Variants in WNT7B observed in about 807,000 individuals in gnomAD.
WNT7B encodes Wnt family member 7B, also known as protein Wnt-7b.
A neutral mutation model predicts 38.2 loss-of-function variants in WNT7B; 19 were observed. That is an observed-to-expected ratio of 0.50 (90% confidence interval 0.35 to 0.73). The LOEUF is 0.73. WNT7B is among the 30% of genes least tolerant of loss of function. The probability of loss-of-function intolerance (pLI) is 0.01; values close to 1 mark genes in which losing one functional copy is unlikely to be tolerated. For synonymous variants in WNT7B, 243 were observed against 209.3 expected (o/e 1.16, Z -1.39); for missense variants, 423 against 507.9 (o/e 0.83, Z 1.61).
At chr22:45,970,592 CG>C (rs1237722963) in intron 1 of WNT7B, among the ~76,000 whole-genome samples, 1 of 152,152 alleles carries the variant, frequency 6.6e-6, no homozygotes, top group Non-Finnish European at 1.5e-5. Context: ...TCTCCCACCC[CG>C]GACACCTCTC....
Position 45,926,266 on chromosome 22 carries a change from C to A in WNT7B, c.571-2931G>T, listed in dbSNP as rs896951352. Reference sequence around the variant, plus strand: ...TGGTGGTGCCAGCACTGAGACCGGCCCCCTGCCCCAAGAGACCACCTGGCA... The same window carrying A: ...TGGTGGTGCCAGCACTGAGACCGGCACCCTGCCCCAAGAGACCACCTGGCA... On this transcript the variant is annotated intron_variant, in intron 3 of 3. Coordinates refer to ENST00000339464, the MANE Select transcript of WNT7B (RefSeq NM_058238.3). 3.0e-6 allele frequency: 3 copies of A among 985,254 alleles called. No individual in the cohort carries two copies. In the African/African-American group the frequency reaches 5.2e-5, roughly 17 times the overall value. 61.0% of individuals were successfully genotyped at this position (985,254 alleles called of 1,614,324 possible).
chr22:45,935,962 C>T, intron 2 of WNT7B: 1 of 985,322 alleles, frequency 1.0e-6, no homozygotes. Flanking sequence ...GCCTAGGGGC[C>T]TCTCTGAAGA....
At chr22:45,949,727 C>T (rs1931885142) in intron 2 of WNT7B, among the ~76,000 whole-genome samples, 193 bp downstream of exon 2, 2 of 152,266 alleles carry the variant, frequency 1.3e-5, no homozygotes, top group African/African-American at 2.4e-5. Context: ...CCATTGAGGC[C>T]TCCCCTGCCC....
intron 1 of WNT7B, among the ~76,000 whole-genome samples, chr22:45,967,748 A>G (rs1281009312): frequency 1.3e-5 from 2 of 152,124 alleles, no homozygotes; most frequent in Non-Finnish European, 2.9e-5. Context: ...TTGCTTGGCC[A>G]TTGTCCACTG....
chr22:45,951,545 C>T lies in WNT7B; in HGVS notation c.72-1399G>A, dbSNP rs575256723. Among the ~76,000 whole-genome samples the T allele has an allele frequency of 7.2e-5, 11 of 152,308 alleles. No individual in the cohort carries two copies. The highest frequency in any genetic ancestry group is 1.4e-4 in the African/African-American group (6 of 41,558). ...GAAACTGTACCCATCAGTCACTCCC[C>T]GTTCTCCCCTCCCCGACCCAGCAAC... is the stretch of plus-strand genomic sequence containing the variant. On this transcript the variant is annotated intron_variant, in intron 1 of 3. Transcript: ENST00000339464. This position sits in a 1 kb window ranked among gnomAD's most constrained non-coding sequence, Gnocchi z 4.8.
chr22:45,925,599 A>ACCCCAGCTCCCTGTTCATCT, intron 3 of WNT7B: 5 of 984,554 alleles, frequency 5.1e-6, no homozygotes, highest in Non-Finnish European at 6.0e-6. Context: ...CCTGTCCATC[A>ACCCCAGCTCCCTGTTCATCT]CCCCAGCTCC....
At chr22:45,972,117 C>T (rs780462067) in intron 1 of WNT7B, 24 of 246,052 alleles carry the variant, frequency 9.8e-5, no homozygotes, top group Non-Finnish European at 1.2e-4. Flanking sequence ...CCGGGGGGAG[C>T]CCACCCGCCC....
At chr22:45,974,558 G>A (rs1302730592) in intron 1 of WNT7B, among the ~76,000 whole-genome samples, 2 of 152,176 alleles carry the variant, frequency 1.3e-5, no homozygotes, top group Non-Finnish European at 2.9e-5. Context: ...GGTGTTCGGA[G>A]GTCACATTTT....
chr22:45,930,216 G>A (rs1931293426), intron 3 of WNT7B, among the ~76,000 whole-genome samples: 1 of 152,236 alleles, frequency 6.6e-6, no homozygotes, highest in African/African-American at 2.4e-5. Flanking sequence ...ATTCCTCTCT[G>A]CCCCGTGCCC....
rs1461677550 is a variant in WNT7B at position 45,923,058 on chromosome 22, G to A, written c.848C>T (p.Ala283Val). Reference protein sequence around the residue: ...KSPNYCEEDAATGSVGTQGRL... With the variant: ...KSPNYCEEDAVTGSVGTQGRL... The stretch of plus-strand genomic sequence containing the variant: ...GCCCTGCGTGCCCACGCTGCCCGTG[G>A]CCGCGTCCTCCTCGCAGTAGTTGGG... Residue 283 changes from alanine (A) to valine (V), a missense_variant, in exon 4 of 4, where the codon GCC becomes GTC. By Grantham distance (64) the Ala-to-Val change is moderately conservative. Transcript: ENST00000339464. 1.9e-6 allele frequency: 3 copies of A among 1,613,024 alleles called. No homozygotes were observed. In the Admixed American group the frequency reaches 5.0e-5, roughly 27 times the overall value.
intron 2 of WNT7B, among the ~76,000 whole-genome samples, chr22:45,939,655 A>ACACACACACG (rs1569115532): frequency 6.6e-6 from 1 of 151,808 alleles, no homozygotes; most frequent in East Asian, 1.9e-4. Context: ...ACACTCACAC[A>ACACACACACG]CACACACACA....
intron 2 of WNT7B, chr22:45,936,018 CCAG>C (rs1244448266): frequency 6.1e-6 from 6 of 985,238 alleles, no homozygotes; most frequent in Admixed American, 6.2e-5. Context: ...GATTCTAGAG[CCAG>C]CAGCAGCATC....
intron 1 of WNT7B, among the ~76,000 whole-genome samples, chr22:45,950,707 G>A (rs898972591): frequency 6.6e-6 from 1 of 152,188 alleles, no homozygotes; most frequent in Admixed American, 6.5e-5. Context: ...CTCCCCGTCT[G>A]AGCCTCAGTT....
At chr22:45,968,847 C>T (rs1470851373) in intron 1 of WNT7B, among the ~76,000 whole-genome samples, 2 of 152,208 alleles carry the variant, frequency 1.3e-5, no homozygotes, top group African/African-American at 4.8e-5. Flanking sequence ...CTACACGTGG[C>T]CTGATCTGAG....
chr22:45,921,593 C>G lies in WNT7B; in HGVS notation c.*1263G>C, dbSNP rs1185728704. ...TGGGACAAACATCCCTGACCACTCA[C>G]CACCTGCCTGACCCCCGCGGCAGCA... is the stretch of plus-strand genomic sequence containing the variant. On this transcript the variant is annotated 3_prime_UTR_variant, in exon 4 of 4. Transcript: ENST00000339464. The G allele has an allele frequency of 6.6e-6, 1 of 152,214 alleles. No individual in the cohort carries two copies. The allele number at this position is 152,214 out of a possible 1,614,324, so 9.4% of individuals were successfully genotyped here. A position where few individuals can be genotyped will look rare whatever the true frequency, so the allele number is the denominator to read the frequency against.
intron 1 of WNT7B, among the ~76,000 whole-genome samples, chr22:45,960,125 C>T (rs568510267): frequency 6.6e-6 from 1 of 152,318 alleles, no homozygotes; most frequent in Non-Finnish European, 1.5e-5. Flanking sequence ...GGCCTCGGGG[C>T]CTGCCTGAGC....
intron 2 of WNT7B, among the ~76,000 whole-genome samples, chr22:45,933,885 G>A (rs1317508598): frequency 2.0e-5 from 3 of 152,328 alleles, no homozygotes; most frequent in South Asian, 4.1e-4. Context: ...TGTCTCGCAA[G>A]CAGGTGGCAC....
At chr22:45,956,005 C>T (rs1224232352) in intron 1 of WNT7B, among the ~76,000 whole-genome samples, 1 of 152,140 alleles carries the variant, frequency 6.6e-6, no homozygotes, top group Non-Finnish European at 1.5e-5. Context: ...GGGCTGCCTC[C>T]AGGAGGAGGT....
chr22:45,940,876 C>T (rs1274178098), intron 2 of WNT7B, among the ~76,000 whole-genome samples: 1 of 152,192 alleles, frequency 6.6e-6, no homozygotes, highest in South Asian at 2.1e-4. Flanking sequence ...AACAGCAATG[C>T]AAAGACCCTG....
Sources: gnomAD v4.1 joint callset for allele counts (sites outside exome capture counted in the v4.1 genomes callset) on GRCh38, gnomAD v4.1.1 for gene constraint, Gnocchi (gnomAD v3.1) non-coding constraint, MANE v1.5 for transcripts, NCBI Gene and HGNC (gene_info 2026-07-23, HGNC 2026-07-21) for gene names.